CD300LG: variants seen among roughly 807,000 people sequenced by gnomAD.
CD300LG encodes CD300 molecule like family member g, also known as CMRF35-like molecule 9.
CD300LG carries 29 observed loss-of-function variants against 31.5 expected under a neutral mutation model. The observed-to-expected ratio is 0.92, with a 90% CI of 0.68 to 1.25. CD300LG has a LOEUF of 1.25. Among genes scored for constraint, CD300LG ranks in the 50% most tolerant of loss-of-function variants. CD300LG has a pLI of 0.00. For missense variants in CD300LG, 396 were observed against 417.6 expected, an observed-to-expected ratio of 0.95 and a Z score of 0.45; for synonymous variants, 175 against 177.2, an observed-to-expected ratio of 0.99 and a Z score of 0.10.
Position 43,862,001 on chromosome 17 carries a change from A to G in CD300LG, c.*90A>G. On this transcript the variant is annotated 3_prime_UTR_variant, in exon 7 of 7. Coordinates refer to ENST00000317310, the MANE Select transcript of CD300LG (RefSeq NM_145273.4). Reference sequence around the variant, plus strand: ...CCCGAAAGCTTTCCACCTCAGCCTCAGAGTCCAGCTGCCCGGACTCCAGGG... The same window carrying G: ...CCCGAAAGCTTTCCACCTCAGCCTCGGAGTCCAGCTGCCCGGACTCCAGGG... 4 of 885,898 alleles carry G rather than the reference A, an allele frequency of 4.5e-6. No individual in the cohort carries two copies. Among genetic ancestry groups the G allele is most frequent in the Non-Finnish European group, 6.6e-6 (4 of 602,836 alleles). The allele number at this position is 885,898 out of a possible 1,614,324, so 54.9% of individuals were successfully genotyped here. A position where few individuals can be genotyped will look rare whatever the true frequency, so the allele number is the denominator to read the frequency against.
At chr17:43,857,885 A>C (rs1955919773) in intron 6 of CD300LG, 1 of 1,536,994 alleles carries the variant, frequency 6.5e-7, no homozygotes, top group Non-Finnish European at 8.7e-7. Flanking sequence ...TCTGGGGACC[A>C]GGGGCAAGAG....
intron 2 of CD300LG, chr17:43,849,095 C>T (rs1237847499): frequency 1.6e-6 from 1 of 606,318 alleles, no homozygotes. Context: ...TGCCCGAGGT[C>T]ACACCAGTAG....
intron 2 of CD300LG, among the ~76,000 whole-genome samples, chr17:43,852,345 G>C (rs867372347): frequency 6.6e-6 from 1 of 152,024 alleles, no homozygotes; most frequent in Non-Finnish European, 1.5e-5. Context: ...CTCCCAAGTA[G>C]CTGGGATTAC....
chr17:43,847,913 C>T (rs1309508461), intron 1 of CD300LG, among the ~76,000 whole-genome samples: 2 of 152,106 alleles, frequency 1.3e-5, no homozygotes, highest in South Asian at 2.1e-4. Context: ...AGCACCATTG[C>T]CCTCCAGCCT....
chr17:43,854,257 A>G (rs1178159551), intron 4 of CD300LG, among the ~76,000 whole-genome samples: 1 of 152,230 alleles, frequency 6.6e-6, no homozygotes, highest in East Asian at 1.9e-4. Flanking sequence ...TCCAGTGTGA[A>G]GGGTCCACCA....
chr17:43,853,689 G>T, intron 3 of CD300LG, 118 bp from the exon 4 acceptor site: 1 of 772,312 alleles, frequency 1.3e-6, no homozygotes, highest in Non-Finnish European at 2.2e-6. Context: ...TTTAGCTGGG[G>T]ATGTTCCGAG....
intron 1 of CD300LG, among the ~76,000 whole-genome samples, chr17:43,848,259 CAAACA>C (rs985932771): frequency 2.6e-5 from 4 of 151,846 alleles, no homozygotes; most frequent in Admixed American, 6.6e-5. Context: ...AACAAACAAA[CAAACA>C]AAACAAAACA....
chr17:43,855,724 C>T (rs1445060846), intron 5 of CD300LG: 2 of 155,502 alleles, frequency 1.3e-5, no homozygotes, highest in Non-Finnish European at 2.8e-5. Context: ...CTGCTCAGCC[C>T]CTTCCATAGG....
At chr17:43,856,266 A>G (rs528449967) in intron 5 of CD300LG, among the ~76,000 whole-genome samples, 1 of 152,310 alleles carries the variant, frequency 6.6e-6, no homozygotes, top group East Asian at 1.9e-4. Context: ...AAGTAGTCAC[A>G]TTTCAGTGCC....
chr17:43,849,025 C>T (rs933678980), intron 2 of CD300LG, 132 bp downstream of exon 2: 33 of 813,352 alleles, frequency 4.1e-5, no homozygotes, highest in South Asian at 3.9e-4. Context: ...GGTCAAGCAC[C>T]GAGCAAGGCT....
chr17:43,848,297 C>G (rs2046244066), intron 1 of CD300LG, among the ~76,000 whole-genome samples: 1 of 152,154 alleles, frequency 6.6e-6, no homozygotes, highest in Non-Finnish European at 1.5e-5. Context: ...ACCCTGCTGG[C>G]TATCTGGCTG....
intron 2 of CD300LG, among the ~76,000 whole-genome samples, chr17:43,852,190 C>T (rs1378403969): frequency 6.6e-6 from 1 of 151,186 alleles, no homozygotes; most frequent in African/African-American, 2.4e-5. Flanking sequence ...GCCTCAAAGC[C>T]TGAGTTTTGT....
chr17:43,860,848 G>C (rs1269860755), intron 6 of CD300LG, among the ~76,000 whole-genome samples: 4 of 152,290 alleles, frequency 2.6e-5, no homozygotes, highest in South Asian at 2.1e-4. Flanking sequence ...TTGGTTGAGT[G>C]GTAGGATGCT....
rs147005101 is a variant in CD300LG at position 43,850,452 on chromosome 17, T to TATTCATTCATTC, written c.379+1579_379+1590dup. ...TCTTTTCTTTTTATTTATTTATTTT[T>TATTCATTCATTC]ATTCATTCATTCATTCATTCATTCA... On this transcript the variant is annotated intron_variant, in intron 2 of 6. Transcript: ENST00000317310. Among the ~76,000 whole-genome samples the TATTCATTCATTC allele has an allele frequency of 2.0e-3, 308 of 151,438 alleles. 1 individual carries two copies. Among genetic ancestry groups the TATTCATTCATTC allele is most frequent in the African/African-American group, 7.3e-3 (296 of 40,796 alleles).
intron 1 of CD300LG, 52 bp from the exon 2 acceptor site, chr17:43,848,506 C>T: frequency 1.4e-6 from 2 of 1,456,370 alleles, no homozygotes; most frequent in African/African-American, 1.4e-5. Context: ...TGGCCTTGAC[C>T]TTGGTACATG....
chr17:43,854,879 T>G (rs1481716004), intron 4 of CD300LG, among the ~76,000 whole-genome samples: 1 of 152,166 alleles, frequency 6.6e-6, no homozygotes, highest in Non-Finnish European at 1.5e-5. Flanking sequence ...CCTCACCCAT[T>G]TGATCCTCAC....
rs2046397528 is a variant in CD300LG at position 43,852,813 on chromosome 17, G to T, written c.380-99G>T. On this transcript the variant is annotated intron_variant, in intron 2 of 6. Coordinates refer to ENST00000317310, the MANE Select transcript of CD300LG (RefSeq NM_145273.4). ...GAGGCGAAAGATGGCAGTGCTCTGT[G>T]CTGAGGTGGGGGGTAGGAAAACTGC... 6 of 933,472 alleles carry T rather than the reference G, an allele frequency of 6.4e-6. No homozygotes were observed. In the South Asian group the frequency reaches 9.9e-5, roughly 15 times the overall value. The allele number at this position is 933,472 out of a possible 1,614,324, so 57.8% of individuals were successfully genotyped here.
chr17:43,858,727 A>C, intron 6 of CD300LG: 1 of 984,474 alleles, frequency 1.0e-6, no homozygotes, highest in Non-Finnish European at 1.2e-6. Context: ...CTGGAGATGG[A>C]ATTGAAGGGG....
At chr17:43,855,510 A>G (rs568348846) in intron 5 of CD300LG, 191 bp downstream of exon 5, 63 of 469,180 alleles carry the variant, frequency 1.3e-4, no homozygotes, top group African/African-American at 8.7e-4. Context: ...AAAGTAATTC[A>G]CAAGGGGAAA....
Sources: gnomAD v4.1 joint callset for allele counts (sites outside exome capture counted in the v4.1 genomes callset) on GRCh38, gnomAD v4.1.1 for gene constraint, MANE v1.5 for transcripts, NCBI Gene and HGNC (gene_info 2026-07-23, HGNC 2026-07-21) for gene names.